The following RBMS3 variants were observed in gnomAD, a reference collection of about 807,000 sequenced individuals.
RBMS3 encodes the protein RNA-binding motif, single-stranded-interacting protein 3.
RBMS3 carries 27 observed loss-of-function variants against 66.8 expected under a neutral mutation model. The ratio of observed to expected loss-of-function variants is 0.40; its 90% CI spans 0.30 to 0.56. The LOEUF (loss-of-function observed/expected upper bound fraction) is 0.56, where lower values mean the gene tolerates loss of function less well. RBMS3 is among the 20% of genes least tolerant of loss of function. The probability of loss-of-function intolerance (pLI) is 0.40; values close to 1 mark genes in which losing one functional copy is unlikely to be tolerated. For synonymous variants in RBMS3, 188 were observed against 183.0 expected (o/e 1.03, Z -0.22); for missense variants, 513 against 549.5 (o/e 0.93, Z 0.66).
intron 10 of RBMS3, among the ~76,000 whole-genome samples, chr3:29,900,656 C>T (rs1243355865): frequency 6.6e-6 from 1 of 151,716 alleles, no homozygotes; most frequent in Non-Finnish European, 1.5e-5. Flanking sequence ...TGGGTATGCT[C>T]TCTGTGCATT....
chr3:29,868,575 G>T (rs562987039), intron 6 of RBMS3, among the ~76,000 whole-genome samples: 1 of 152,254 alleles, frequency 6.6e-6, no homozygotes, highest in East Asian at 1.9e-4. Context: ...GGAAGGGTCG[G>T]TGCTTGCCTC....
intron 4 of RBMS3, among the ~76,000 whole-genome samples, chr3:29,703,778 A>G (rs1291514668): frequency 1.3e-5 from 2 of 152,116 alleles, no homozygotes; most frequent in East Asian, 1.9e-4. Flanking sequence ...GGGATCCCCA[A>G]CCCTACAGGT....
chr3:30,006,796 G>A lies in RBMS3; in HGVS notation c.*2934G>A, dbSNP rs1699814668. On this transcript the variant is annotated 3_prime_UTR_variant, in exon 15 of 15. Coordinates refer to ENST00000383767, the MANE Select transcript of RBMS3 (RefSeq NM_001003793.3). The stretch of plus-strand genomic sequence containing the variant: ...GTCTCATTCACACAATCAACAATGA[G>A]GCTAAGAGGTAGCTACCATGTGGCT... The A allele has an allele frequency of 6.6e-6, 1 of 151,922 alleles. No homozygotes were observed. Among genetic ancestry groups the A allele is most frequent in the Admixed American group, 6.6e-5 (1 of 15,238 alleles). 9.4% of individuals were successfully genotyped at this position (151,922 alleles called of 1,614,324 possible).
intron 6 of RBMS3, among the ~76,000 whole-genome samples, chr3:29,782,167 T>A (rs115396079): frequency 6.6e-6 from 1 of 152,218 alleles, no homozygotes; most frequent in African/African-American, 2.4e-5. Flanking sequence ...TGTATCCTTA[T>A]AGGACCATAG....
chr3:29,370,141 T>G (rs1036192073), intron 1 of RBMS3, among the ~76,000 whole-genome samples: 2 of 152,216 alleles, frequency 1.3e-5, no homozygotes, highest in Non-Finnish European at 2.9e-5. Context: ...GTAAAGAATT[T>G]GAACAACCAA....
intron 12 of RBMS3, among the ~76,000 whole-genome samples, chr3:29,965,445 T>C (rs1696766613): frequency 6.6e-6 from 1 of 152,156 alleles, no homozygotes; most frequent in Non-Finnish European, 1.5e-5. Context: ...TGGTATCGCA[T>C]TGTGGTTTTG....
At chr3:29,412,217 T>C (rs896467192) in intron 1 of RBMS3, among the ~76,000 whole-genome samples, 1 of 152,202 alleles carries the variant, frequency 6.6e-6, no homozygotes, top group African/African-American at 2.4e-5. Flanking sequence ...TGTATGACTA[T>C]GCTTGAAATG....
At chr3:29,346,446 C>T (rs2036584456) in intron 1 of RBMS3, among the ~76,000 whole-genome samples, 2 of 140,532 alleles carry the variant, frequency 1.4e-5, no homozygotes, top group South Asian at 4.6e-4. Context: ...CTTTGTCGCC[C>T]AGGCTGGAAT....
chr3:29,385,428 G>A (rs559025700), intron 1 of RBMS3, among the ~76,000 whole-genome samples: 2 of 152,112 alleles, frequency 1.3e-5, no homozygotes, highest in African/African-American at 2.4e-5. Context: ...GAATTTTTTG[G>A]TTTCACTGTT....
At chr3:29,686,414 T>C (rs568446984) in intron 4 of RBMS3, among the ~76,000 whole-genome samples, 1 of 152,336 alleles carries the variant, frequency 6.6e-6, no homozygotes, top group East Asian at 1.9e-4. Context: ...CCGGGCATGG[T>C]GGCTCATGCC....
intron 1 of RBMS3, among the ~76,000 whole-genome samples, chr3:29,315,427 T>C (rs1330253956): frequency 6.6e-6 from 1 of 151,798 alleles, no homozygotes; most frequent in African/African-American, 2.4e-5. Flanking sequence ...TATACACACA[T>C]ACATACATGC....
chr3:29,855,231 T>A (rs1409133643), intron 6 of RBMS3, among the ~76,000 whole-genome samples: 1 of 152,184 alleles, frequency 6.6e-6, no homozygotes, highest in Non-Finnish European at 1.5e-5. Flanking sequence ...GCTTTTACAA[T>A]GAGTAAGTGG....
chr3:29,721,639 C>T (rs1391822498), intron 4 of RBMS3, among the ~76,000 whole-genome samples: 2 of 152,130 alleles, frequency 1.3e-5, no homozygotes, highest in African/African-American at 4.8e-5. Flanking sequence ...TGCCTTATTC[C>T]ATGTTGTGGA....
intron 4 of RBMS3, among the ~76,000 whole-genome samples, chr3:29,684,237 C>T (rs554059254): frequency 6.6e-6 from 1 of 152,192 alleles, no homozygotes; most frequent in East Asian, 1.9e-4. Context: ...ATAAAATAAA[C>T]ACAGTCCCTA....
chr3:29,969,181 A>C (rs564280080), intron 12 of RBMS3, among the ~76,000 whole-genome samples: 2 of 152,212 alleles, frequency 1.3e-5, no homozygotes, highest in Non-Finnish European at 2.9e-5. Flanking sequence ...AAGGAAGATT[A>C]AATGCCTAAT....
intron 3 of RBMS3, among the ~76,000 whole-genome samples, chr3:29,562,433 G>T (rs1216574896): frequency 1.3e-5 from 2 of 151,994 alleles, no homozygotes; most frequent in Non-Finnish European, 2.9e-5. Flanking sequence ...AAATAGTGCT[G>T]ACCAAAGAGA....
At chr3:29,590,106 A>C (rs2149098400) in intron 4 of RBMS3, among the ~76,000 whole-genome samples, 1 of 151,272 alleles carries the variant, frequency 6.6e-6, no homozygotes, top group South Asian at 2.1e-4. Flanking sequence ...TTTTGGTATC[A>C]AAAGTCATGT....
intron 4 of RBMS3, among the ~76,000 whole-genome samples, chr3:29,590,222 C>T (rs2047680166): frequency 6.6e-6 from 1 of 151,972 alleles, no homozygotes; most frequent in African/African-American, 2.4e-5. Flanking sequence ...CTGGTACCAC[C>T]TGGCTGTGTG....
At chr3:29,856,284 G>A (rs773197927) in intron 6 of RBMS3, among the ~76,000 whole-genome samples, 1 of 152,164 alleles carries the variant, frequency 6.6e-6, no homozygotes, top group African/African-American at 2.4e-5. Context: ...TATTTTATGG[G>A]AATTTGGTGG....
Sources: allele counts gnomAD v4.1 joint callset (sites outside exome capture counted in the v4.1 genomes callset), GRCh38; gene constraint gnomAD v4.1.1; transcripts MANE v1.5; gene names NCBI Gene and HGNC (gene_info 2026-07-23, HGNC 2026-07-21).